The following OTUD4 variants were observed in gnomAD, a reference collection of about 807,000 sequenced individuals.
The protein encoded by OTUD4 is OTU domain-containing protein 4.
OTUD4 carries 24 observed loss-of-function variants against 130.4 expected under a neutral mutation model. The observed-to-expected ratio is 0.18, with a 90% CI of 0.13 to 0.26. OTUD4 has a LOEUF of 0.26. Ranked by LOEUF, OTUD4 falls within the 10% of genes least tolerant of loss-of-function variation. The pLI is 1.00. For missense variants in OTUD4, 1,031 were observed against 1,329.4 expected, an observed-to-expected ratio of 0.78 and a Z score of 3.49; for synonymous variants, 420 against 472.5, an observed-to-expected ratio of 0.89 and a Z score of 1.44.
intron 6 of OTUD4, among the ~76,000 whole-genome samples, chr4:145,160,222 C>T (rs567067859): frequency 2.6e-5 from 4 of 152,280 alleles, no homozygotes; most frequent in South Asian, 4.1e-4. Flanking sequence ...TAACCTTGGA[C>T]GAGCACTTCT....
rs1190160027 is a variant in OTUD4, at chr4:145,150,559, A to T, written c.1213T>A (p.Ser405Thr). 1.2e-6 allele frequency: 2 copies of T among 1,611,992 alleles called. No homozygotes were observed. Among genetic ancestry groups the T allele is most frequent in the South Asian group, 2.2e-5 (2 of 90,968 alleles). The change falls in exon 13 of 21, where the codon TCC (serine) becomes ACC (threonine). Residue 405 changes from serine to threonine, a missense_variant. Around this residue, in one of 3 missense-constraint regions of OTUD4, gnomAD observed 900 missense variants for 1,095.9 expected, o/e 0.82. Coordinates refer to ENST00000447906, the MANE Select transcript of OTUD4 (RefSeq NM_001366057.1). ...CGGCTAAGATTTTTGTGCTCACTGGAGAATTTCTGAGACTGTGACCCTGAA... is the reference window on the plus strand; with the variant it reads ...CGGCTAAGATTTTTGTGCTCACTGGTGAATTTCTGAGACTGTGACCCTGAA... Reference protein sequence around the residue: ...HSSGSQSQKFSSEHKNLSRTP... With the variant: ...HSSGSQSQKFTSEHKNLSRTP...
Position 145,134,243 on chromosome 4 carries a change from A to G in OTUD4, c.*3187T>C, listed in dbSNP as rs1266371865. Reference sequence around the variant, plus strand: ...ATTATTAGGATTTTAAACAAACAATAGCATTTAGACATAAAGTAGGAAGCA... The same window carrying G: ...ATTATTAGGATTTTAAACAAACAATGGCATTTAGACATAAAGTAGGAAGCA... On this transcript the variant is annotated 3_prime_UTR_variant, in exon 21 of 21. Transcript: ENST00000447906. 6.5e-6 allele frequency: 1 copy of G among 153,630 alleles called. No homozygotes were observed. The highest frequency in any genetic ancestry group is 1.5e-5 in the Non-Finnish European group (1 of 68,728). The allele number at this position is 153,630 out of a possible 1,614,324, so 9.5% of individuals were successfully genotyped here.
intron 14 of OTUD4, among the ~76,000 whole-genome samples, chr4:145,145,938 G>A (rs1367973962): frequency 6.6e-6 from 1 of 152,142 alleles, no homozygotes. Flanking sequence ...TCTTGTAATG[G>A]ATTAACTAAA....
At chr4:145,173,250 G>A (rs995786407) in intron 2 of OTUD4, among the ~76,000 whole-genome samples, 2 of 152,124 alleles carry the variant, frequency 1.3e-5, no homozygotes, top group African/African-American at 4.8e-5. Context: ...AATTAGCCTG[G>A]CGTGATGGTG....
At chr4:145,155,902 G>T (rs1553999267) in intron 8 of OTUD4, 34 bp downstream of exon 8, 10 of 1,498,962 alleles carry the variant, frequency 6.7e-6, no homozygotes, top group Non-Finnish European at 8.2e-6. Flanking sequence ...TTATATTAAA[G>T]AACTACATTT....
intron 7 of OTUD4, among the ~76,000 whole-genome samples, chr4:145,157,333 T>C (rs1011670734): frequency 2.6e-5 from 4 of 152,166 alleles, no homozygotes; most frequent in African/African-American, 4.8e-5. Flanking sequence ...GTGGAGATAA[T>C]TGAATCATGT....
intron 7 of OTUD4, among the ~76,000 whole-genome samples, chr4:145,157,758 C>A (rs2126775192): frequency 6.9e-6 from 1 of 145,880 alleles, no homozygotes; most frequent in African/African-American, 2.5e-5. Flanking sequence ...AGGACAACAA[C>A]AGTGCAGTAT....
At chr4:145,168,907 T>C (rs1752013602) in intron 3 of OTUD4, among the ~76,000 whole-genome samples, 1 of 152,228 alleles carries the variant, frequency 6.6e-6, no homozygotes, top group South Asian at 2.1e-4. Context: ...TAAATATCAA[T>C]CAGCTGGTAA....
intron 1 of OTUD4, chr4:145,179,578 C>A: frequency 1.5e-6 from 2 of 1,351,836 alleles, no homozygotes; most frequent in Non-Finnish European, 1.9e-6. Flanking sequence ...CAACTCATTA[C>A]CTCTTCATCA....
rs990744359 is a variant in OTUD4 at position 145,150,543 on chromosome 4, T to C, written c.1229A>G (p.Asn410Ser). The stretch of plus-strand genomic sequence containing the variant: ...GATCTGTGAAGGTGTCCGGCTAAGA[T>C]TTTTGTGCTCACTGGAGAATTTCTG... ...QSQKFSSEHK[N>S]LSRTPSQIIR... Residue 410 changes from asparagine to serine, a missense_variant, in exon 13 of 21, where the codon AAT (asparagine) becomes AGT (serine). Transcript: ENST00000447906. 5 of 1,609,442 alleles carry C rather than the reference T, an allele frequency of 3.1e-6. No homozygotes were observed. Among genetic ancestry groups the C allele is most frequent in the Non-Finnish European group, 3.4e-6 (4 of 1,176,082 alleles).
At chr4:145,148,889 G>A (rs978188674) in intron 13 of OTUD4, among the ~76,000 whole-genome samples, 2 of 152,176 alleles carry the variant, frequency 1.3e-5, no homozygotes, top group African/African-American at 2.4e-5. Context: ...AGGGGCTACT[G>A]GAGTTTGGTC....
At chr4:145,138,949 C>G (rs1405930526) in intron 20 of OTUD4, among the ~76,000 whole-genome samples, 1 of 152,190 alleles carries the variant, frequency 6.6e-6, no homozygotes, top group Admixed American at 6.5e-5. Context: ...CACATTCGGG[C>G]TCTACCACTA....
Position 145,164,144 on chromosome 4 carries a change from A to G in OTUD4, c.414+10T>C, listed in dbSNP as rs1397500043. On this transcript the variant is annotated intron_variant, in intron 5 of 20. Coordinates refer to ENST00000447906, the MANE Select transcript of OTUD4 (RefSeq NM_001366057.1). ...CTTAAATACTTTAGAACACTTTGAA[A>G]AATTCTTACCTTTTCAGGAAAATTA... The G allele has an allele frequency of 7.5e-7, 1 of 1,325,112 alleles. No individual in the cohort carries two copies. Among genetic ancestry groups the G allele is most frequent in the East Asian group, 2.5e-5 (1 of 40,436 alleles). 82.1% of individuals were successfully genotyped at this position (1,325,112 alleles called of 1,614,324 possible). A position where few individuals can be genotyped will look rare whatever the true frequency, so the allele number is the denominator to read the frequency against.
In OTUD4 at chr4:145,138,030, G is replaced by A. The variant is rs1194702176; in HGVS notation, c.2745C>T (p.Ala915=). The A allele has an allele frequency of 6.2e-7, 1 of 1,614,022 alleles. No individual in the cohort carries two copies. Among genetic ancestry groups the A allele is most frequent in the Admixed American group, 1.7e-5 (1 of 60,004 alleles). ...GGAGAGAATGTACATGTTCACCCCT[G>A]GCTTCTGGAAACTCATCTACTGTTG... is the stretch of plus-strand genomic sequence containing the variant. ...SVSTVDEFPE[A]RGEHVHSLPE... is the part of the protein sequence containing the mutation. The change falls in exon 21 of 21, where the codon GCC becomes GCT. Residue 915 remains alanine (A), a synonymous_variant. Coordinates refer to ENST00000447906, the MANE Select transcript of OTUD4 (RefSeq NM_001366057.1).
At chr4:145,152,506 G>T in intron 11 of OTUD4, 35 bp downstream of exon 11, 2 of 1,098,862 alleles carry the variant, frequency 1.8e-6, no homozygotes, top group Non-Finnish European at 2.7e-6. Context: ...AAATGGAGGA[G>T]GCAGTAAATG....
chr4:145,162,880 A>ACATC (rs1199137885), intron 5 of OTUD4, among the ~76,000 whole-genome samples, 159 bp from the exon 6 acceptor site: 1 of 152,238 alleles, frequency 6.6e-6, no homozygotes, highest in Non-Finnish European at 1.5e-5. Flanking sequence ...AAGCTACAGT[A>ACATC]CATCCATATG....
At chr4:145,148,750 G>A (rs369353190) in intron 13 of OTUD4, among the ~76,000 whole-genome samples, 64 of 152,108 alleles carry the variant, frequency 4.2e-4, no homozygotes, top group African/African-American at 1.5e-3. Context: ...TCAAAAAATG[G>A]GAATATTAAA....
chr4:145,149,865 A>G (rs1218022896), intron 13 of OTUD4, among the ~76,000 whole-genome samples: 1 of 152,226 alleles, frequency 6.6e-6, no homozygotes, highest in Non-Finnish European at 1.5e-5. Context: ...CACGATGAAG[A>G]CAGTTTCAAC....
rs1383754532 is a variant in OTUD4 at position 145,133,735 on chromosome 4, A to G, written c.*3695T>C. ...TAGGGCATTTACTCTTATTTTATAC[A>G]TTCAGATATGTTTGAAACACTTCTT... On this transcript the variant is annotated 3_prime_UTR_variant, in exon 21 of 21. Transcript: ENST00000447906. The G allele has an allele frequency of 4.6e-5, 7 of 152,640 alleles. No homozygotes were observed. Among genetic ancestry groups the G allele is most frequent in the African/African-American group, 1.4e-4 (6 of 41,448 alleles). The allele number at this position is 152,640 out of a possible 1,614,324, so 9.5% of individuals were successfully genotyped here. A position where few individuals can be genotyped will look rare whatever the true frequency, so the allele number is the denominator to read the frequency against.
Sources: allele counts gnomAD v4.1 joint callset (sites outside exome capture counted in the v4.1 genomes callset), GRCh38; gene constraint gnomAD v4.1.1; regional missense constraint gnomAD v4.1.1; transcripts MANE v1.5; gene names NCBI Gene and HGNC (gene_info 2026-07-23, HGNC 2026-07-21).